The following TMTC2 variants were observed in gnomAD, a reference collection of about 807,000 sequenced individuals.
The protein encoded by TMTC2 is protein O-mannosyl-transferase TMTC2.
In TMTC2, 43 loss-of-function variants were observed where a neutral mutation model predicts 82.4. The ratio of observed to expected loss-of-function variants is 0.52; its 90% confidence interval spans 0.41 to 0.67. The LOEUF (loss-of-function observed/expected upper bound fraction) is 0.67, where lower values mean the gene tolerates loss of function less well. Ranked by LOEUF, TMTC2 falls within the 30% of genes least tolerant of loss-of-function variation. The pLI is 0.00. For synonymous variants in TMTC2, 408 were observed against 381.9 expected, an observed-to-expected ratio of 1.07 and a Z score of -0.80; for missense variants, 919 against 1,012.4, an observed-to-expected ratio of 0.91 and a Z score of 1.25.
intron 4 of TMTC2, among the ~76,000 whole-genome samples, chr12:82,949,024 A>G (rs1877194983): frequency 6.6e-6 from 1 of 152,198 alleles, no homozygotes; most frequent in Non-Finnish European, 1.5e-5. Flanking sequence ...TTAAACCTCC[A>G]TAATGGTACT....
chr12:82,736,322 AAAC>A (rs985701678), intron 1 of TMTC2, among the ~76,000 whole-genome samples: 11 of 152,324 alleles, frequency 7.2e-5, no homozygotes, highest in South Asian at 4.1e-4. Context: ...CTTTAAAAAA[AAAC>A]AACATGTCCT....
At chr12:82,883,338 T>C in intron 2 of TMTC2, among the ~76,000 whole-genome samples, 1 of 152,218 alleles carries the variant, frequency 6.6e-6, no homozygotes, top group East Asian at 1.9e-4. Context: ...TGAAATTATA[T>C]GCTTATTAAT....
At chr12:82,868,304 T>A (rs1013555931) in intron 2 of TMTC2, among the ~76,000 whole-genome samples, 21 of 152,148 alleles carry the variant, frequency 1.4e-4, no homozygotes, top group African/African-American at 5.1e-4. Context: ...GAACTGTCAA[T>A]CAGCAAAGAA....
intron 1 of TMTC2, among the ~76,000 whole-genome samples, chr12:82,687,904 G>T (rs1872404696): frequency 1.3e-5 from 2 of 152,292 alleles, no homozygotes; most frequent in South Asian, 4.1e-4. Context: ...CTTGCTTCTC[G>T]GCTGTTGGCA....
intron 1 of TMTC2, among the ~76,000 whole-genome samples, chr12:82,695,579 G>T (rs886643531): frequency 2.6e-5 from 4 of 152,200 alleles, no homozygotes; most frequent in African/African-American, 9.6e-5. Context: ...ATGAAAGCAT[G>T]TCTGCTCAGT....
At chr12:82,812,189 T>C in intron 1 of TMTC2, among the ~76,000 whole-genome samples, 1 of 152,086 alleles carries the variant, frequency 6.6e-6, no homozygotes. Flanking sequence ...TAAGTACTAC[T>C]TTTCACTTAC....
At chr12:83,045,831 G>T (rs1475384335) in intron 9 of TMTC2, among the ~76,000 whole-genome samples, 1 of 151,572 alleles carries the variant, frequency 6.6e-6, no homozygotes, top group African/African-American at 2.4e-5. Context: ...TTCACAGGTG[G>T]CACAAGGGAA....
intron 1 of TMTC2, among the ~76,000 whole-genome samples, chr12:82,692,473 T>C (rs1319117904): frequency 6.6e-6 from 1 of 152,232 alleles, no homozygotes; most frequent in African/African-American, 2.4e-5. Flanking sequence ...GTGGTACAAC[T>C]GTCTTTCGTA....
chr12:82,769,624 A>G (rs1384313223), intron 1 of TMTC2, among the ~76,000 whole-genome samples: 1 of 151,936 alleles, frequency 6.6e-6, no homozygotes, highest in African/African-American at 2.4e-5. Context: ...TACTATTTTT[A>G]TTTTGAAATG....
At chr12:83,027,371 C>G (rs1423891357) in intron 8 of TMTC2, among the ~76,000 whole-genome samples, 1 of 152,136 alleles carries the variant, frequency 6.6e-6, no homozygotes, top group East Asian at 1.9e-4. Flanking sequence ...ATTTGGTTGA[C>G]TTTTAATTTT....
intron 7 of TMTC2, 130 bp downstream of exon 7, chr12:82,967,127 C>A: frequency 4.5e-6 from 3 of 668,398 alleles, no homozygotes; most frequent in Non-Finnish European, 7.4e-6. Context: ...CACAATCTGG[C>A]ATCATACTCA....
chr12:82,830,199 A>G (rs1299962528), intron 1 of TMTC2, among the ~76,000 whole-genome samples: 10 of 152,320 alleles, frequency 6.6e-5, no homozygotes. Flanking sequence ...AAAATTTGAA[A>G]TGGCATTTTC....
chr12:83,113,703 G>A lies in TMTC2; in HGVS notation c.2332-18507G>A, dbSNP rs147197414. Among the ~76,000 whole-genome samples the A allele has an allele frequency of 9.4e-3, 1,426 of 152,238 alleles. 22 individuals are homozygous for A. Among genetic ancestry groups the A allele is most frequent in the African/African-American group, 0.033 (1,356 of 41,518 alleles). Reference sequence around the variant, plus strand: ...TGAAATTATTATGTGTGAAGACCTCGCATCATTATTTTTCCAGGCATGTAT... The same window carrying A: ...TGAAATTATTATGTGTGAAGACCTCACATCATTATTTTTCCAGGCATGTAT... On this transcript the variant is annotated intron_variant, in intron 11 of 11. Transcript: ENST00000321196.
intron 8 of TMTC2, among the ~76,000 whole-genome samples, chr12:83,011,737 C>G (rs1286750761): frequency 6.6e-6 from 1 of 152,198 alleles, no homozygotes. Flanking sequence ...TAATCTAAAA[C>G]ACTTTCTCTT....
intron 2 of TMTC2, among the ~76,000 whole-genome samples, chr12:82,873,862 C>T (rs892184957): frequency 1.3e-5 from 2 of 152,072 alleles, no homozygotes; most frequent in Non-Finnish European, 2.9e-5. Flanking sequence ...ACATTTAAAG[C>T]AGGGAATGAA....
At chr12:82,804,007 T>G (rs1046094476) in intron 1 of TMTC2, among the ~76,000 whole-genome samples, 1 of 152,094 alleles carries the variant, frequency 6.6e-6, no homozygotes, top group Non-Finnish European at 1.5e-5. Context: ...CAGACCCCTA[T>G]GGATTCATCT....
At chr12:82,970,823 C>T (rs962867394) in intron 7 of TMTC2, among the ~76,000 whole-genome samples, 5 of 152,170 alleles carry the variant, frequency 3.3e-5, no homozygotes, top group African/African-American at 7.2e-5. Flanking sequence ...TCCAGGCTCA[C>T]TTCCCTTTTT....
chr12:83,121,741 A>G (rs1185027483), intron 11 of TMTC2, among the ~76,000 whole-genome samples: 2 of 152,024 alleles, frequency 1.3e-5, no homozygotes, highest in African/African-American at 4.8e-5. Context: ...CTTTGTCTTC[A>G]GTTACCAGGG....
intron 11 of TMTC2, among the ~76,000 whole-genome samples, chr12:83,129,366 G>A (rs1399433714): frequency 6.6e-6 from 1 of 152,136 alleles, no homozygotes; most frequent in South Asian, 2.1e-4. Context: ...CAAAATTAAA[G>A]TGATTACAAA....
Sources: allele counts gnomAD v4.1 joint callset (sites outside exome capture counted in the v4.1 genomes callset), GRCh38; gene constraint gnomAD v4.1.1; transcripts MANE v1.5; gene names NCBI Gene and HGNC (gene_info 2026-07-23, HGNC 2026-07-21).